Variants in TTYH2 observed in about 807,000 individuals in gnomAD.
TTYH2 encodes the protein protein tweety homolog 2.
Under a neutral mutation model 68.3 loss-of-function variants are expected in TTYH2, and 49 were observed. The ratio of observed to expected loss-of-function variants is 0.72; its 90% CI spans 0.57 to 0.91. The LOEUF is 0.91. TTYH2 is among the 40% of genes least tolerant of loss of function. The pLI is 0.00. For synonymous variants in TTYH2, 272 were observed against 300.8 expected (o/e 0.90, Z 0.99); for missense variants, 631 against 700.4 (o/e 0.90, Z 1.12).
At chr17:74,256,002 G>A (rs1458978480) in intron 13 of TTYH2, among the ~76,000 whole-genome samples, 1 of 152,154 alleles carries the variant, frequency 6.6e-6, no homozygotes, top group African/African-American at 2.4e-5. Context: ...CAGCTTCCCG[G>A]TCATGGCGCT....
Position 74,222,514 on chromosome 17 carries a change from C to T in TTYH2, c.159C>T (p.Ala53=), listed in dbSNP as rs199517034. The T allele has an allele frequency of 1.8e-5, 29 of 1,611,322 alleles. No individual in the cohort carries two copies. The highest frequency in any genetic ancestry group is 2.2e-5 in the East Asian group (1 of 44,876). ...ESLLFLGLVA[A]VCLGLNLIFL... ...TGCTGTTCCTGGGGCTGGTGGCCGC[C>T]GTCTGCCTGGGCCTGAACCTCATCT... Residue 53 remains alanine, a synonymous_variant, in exon 2 of 14, where the codon GCC becomes GCT. Transcript: ENST00000269346. This position sits in a 1 kb window ranked among gnomAD's most constrained non-coding sequence, Gnocchi z 5.2.
Position 74,237,534 on chromosome 17 carries a change from C to A in TTYH2, c.635+20C>A. The stretch of plus-strand genomic sequence containing the variant: ...CTACAGGTGAAGGACCGGTGGGAGG[C>A]AGAGGGAGGGGCAGCAGCGGCTACA... On this transcript the variant is annotated intron_variant, in intron 4 of 13. Coordinates refer to ENST00000269346, the MANE Select transcript of TTYH2 (RefSeq NM_032646.6). The A allele has an allele frequency of 6.3e-7, 1 of 1,582,632 alleles. No homozygotes were observed. Among genetic ancestry groups the A allele is most frequent in the Non-Finnish European group, 8.6e-7 (1 of 1,157,970 alleles).
chr17:74,248,367 A>G (rs2050582756), intron 6 of TTYH2: 1 of 986,452 alleles, frequency 1.0e-6, no homozygotes, highest in Admixed American at 6.0e-5. Flanking sequence ...CTTAGCAATC[A>G]CTTAGCCAGG....
At chr17:74,227,318 C>A (rs577564171) in intron 2 of TTYH2, among the ~76,000 whole-genome samples, 4 of 152,150 alleles carry the variant, frequency 2.6e-5, no homozygotes, top group Non-Finnish European at 5.9e-5. Flanking sequence ...CCTCCTGGCC[C>A]ATCGCTGATA....
In TTYH2 at chr17:74,253,640, G is replaced by A. The variant is rs1288014010; in HGVS notation, c.1446-115G>A. 3.1e-5 allele frequency: 30 copies of A among 981,570 alleles called. No individual in the cohort carries two copies. In the South Asian group the frequency reaches 4.2e-4, roughly 14 times the overall value. 60.8% of individuals were successfully genotyped at this position (981,570 alleles called of 1,614,324 possible). On this transcript the variant is annotated intron_variant, in intron 12 of 13. Coordinates refer to ENST00000269346, the MANE Select transcript of TTYH2 (RefSeq NM_032646.6). ...CTGCACCCCCTCCACTCTATCTGTG[G>A]TTTGGTTCCATCCCCCACCTCCCAT... is the stretch of plus-strand genomic sequence containing the variant.
At chr17:74,246,131 C>T (rs950008673) in intron 6 of TTYH2, among the ~76,000 whole-genome samples, 2 of 152,184 alleles carry the variant, frequency 1.3e-5, no homozygotes, top group African/African-American at 2.4e-5. Context: ...ATGGGTTCAG[C>T]TGTGAGGGAG....
rs999707161 is a variant in TTYH2, at chr17:74,250,105, A to C, written c.1023+77A>C. On this transcript the variant is annotated intron_variant, in intron 9 of 13. Transcript: ENST00000269346. ...TTTCCCCTGCCCCGGCCCCAGGGCC[A>C]GGCTGTGCACAGCTTGCTGCTGGCT... 2.6e-6 allele frequency: 4 copies of C among 1,550,168 alleles called. No individual in the cohort carries two copies. In the African/African-American group the frequency reaches 4.1e-5, roughly 16 times the overall value.
At chr17:74,233,489 G>A (rs1020809414) in intron 3 of TTYH2, among the ~76,000 whole-genome samples, 1 of 152,210 alleles carries the variant, frequency 6.6e-6, no homozygotes, top group African/African-American at 2.4e-5. Context: ...GTCAGCGGGA[G>A]GCTGGGATCC....
At position 74,260,164 on chromosome 17, in the gene TTYH2, G is replaced by A. The variant is rs975719039; in HGVS notation, c.1560G>A (p.Val520=). The A allele has an allele frequency of 3.7e-6, 6 of 1,613,824 alleles. No individual in the cohort carries two copies. The highest frequency in any genetic ancestry group is 5.1e-6 in the Non-Finnish European group (6 of 1,179,898). The change falls in exon 14 of 14, where the codon GTG becomes GTA. Residue 520 remains valine, a synonymous_variant. Coordinates refer to ENST00000269346, the MANE Select transcript of TTYH2 (RefSeq NM_032646.6). The part of the protein sequence containing the change: ...SPSMRATYLS[V]ADEHLRHYGN... ...GCATGAGAGCCACCTACCTGTCTGT[G>A]GCGGATGAGCACCTGAGGCACTACG...
At chr17:74,249,120 G>A (rs775028093) in intron 7 of TTYH2, 40 bp downstream of exon 7, 2 of 1,612,384 alleles carry the variant, frequency 1.2e-6, no homozygotes, top group East Asian at 4.5e-5. Context: ...GGATGCATAG[G>A]TGGCCGGACT....
intron 6 of TTYH2, among the ~76,000 whole-genome samples, chr17:74,244,409 A>G (rs1026150500): frequency 7.2e-5 from 11 of 152,150 alleles, no homozygotes; most frequent in Non-Finnish European, 1.2e-4. Context: ...TCTCCTGAGA[A>G]TGGGTAGGGG....
In TTYH2 at chr17:74,260,816, G is replaced by A. The variant is rs61510537; in HGVS notation, c.*607G>A. Reference sequence around the variant, plus strand: ...GGAGGCATCAGGAAAGCTCTGCAGTGGGGGGCTGGTGGCTCCGGGGCTGGG... The same window carrying A: ...GGAGGCATCAGGAAAGCTCTGCAGTAGGGGGCTGGTGGCTCCGGGGCTGGG... On this transcript the variant is annotated 3_prime_UTR_variant, in exon 14 of 14. Transcript: ENST00000269346. The A allele has an allele frequency of 0.019, 2,958 of 154,032 alleles. 86 individuals are homozygous for A. Among genetic ancestry groups the A allele is most frequent in the African/African-American group, 0.067 (2,768 of 41,532 alleles). 9.5% of individuals were successfully genotyped at this position (154,032 alleles called of 1,614,324 possible).
intron 6 of TTYH2, among the ~76,000 whole-genome samples, chr17:74,247,462 G>A (rs2050570610): frequency 6.6e-6 from 1 of 152,286 alleles, no homozygotes; most frequent in Admixed American, 6.5e-5. Flanking sequence ...ACCTATCCCA[G>A]GAGATGGAGG....
intron 2 of TTYH2, among the ~76,000 whole-genome samples, chr17:74,223,285 T>TTG (rs200115969): frequency 0.06 from 7,097 of 117,764 alleles, 638 homozygotes; most frequent in African/African-American, 0.23. Flanking sequence ...GCTTTTTTTT[T>TTG]GGGGGGCGGG....
At chr17:74,231,322 T>C (rs539947620) in intron 3 of TTYH2, among the ~76,000 whole-genome samples, 1 of 152,300 alleles carries the variant, frequency 6.6e-6, no homozygotes, top group South Asian at 2.1e-4. Flanking sequence ...CCCCACTGCA[T>C]TTTTTGTTTT....
At chr17:74,231,450 T>C (rs1463862298) in intron 3 of TTYH2, among the ~76,000 whole-genome samples, 3 of 152,036 alleles carry the variant, frequency 2.0e-5, no homozygotes, top group Admixed American at 6.6e-5. Flanking sequence ...TCCCAGCACT[T>C]TGAGGGAGGC....
chr17:74,230,257 A>ATT (rs56348004), intron 2 of TTYH2, among the ~76,000 whole-genome samples: 63,506 of 149,354 alleles, frequency 0.43, 14,122 homozygotes, highest in African/African-American at 0.56. Context: ...TCATTTTTTC[A>ATT]TTTTTTTTTT....
chr17:74,230,781 A>T (rs2050380089), intron 2 of TTYH2, 107 bp from the exon 3 acceptor site: 14 of 1,094,728 alleles, frequency 1.3e-5, no homozygotes, highest in Middle Eastern at 2.4e-4. Flanking sequence ...AGTAGCTGGG[A>T]TTACAGGCAT....
intron 8 of TTYH2, 123 bp from the exon 9 acceptor site, chr17:74,249,813 G>T (rs1412042858): frequency 8.7e-7 from 1 of 1,152,692 alleles, no homozygotes; most frequent in South Asian, 1.3e-5. Flanking sequence ...AGCCAGGTGG[G>T]GGGGTGGGAG....
Sources: gnomAD v4.1 joint callset for allele counts (sites outside exome capture counted in the v4.1 genomes callset) on GRCh38, gnomAD v4.1.1 for gene constraint, Gnocchi (gnomAD v3.1) non-coding constraint, MANE v1.5 for transcripts, NCBI Gene and HGNC (gene_info 2026-07-23, HGNC 2026-07-21) for gene names.